Variants in NOD1 observed in about 807,000 individuals in gnomAD.
NOD1 encodes nucleotide binding oligomerization domain containing 1.
NOD1 carries 70 observed loss-of-function variants against 81.2 expected under a neutral mutation model. The ratio of observed to expected loss-of-function variants is 0.86; its 90% CI spans 0.71 to 1.05. The LOEUF is 1.05. Among genes scored for constraint, NOD1 ranks in the 50% least tolerant of loss-of-function variants. The probability of loss-of-function intolerance (pLI) is 0.00; values close to 1 mark genes in which losing one functional copy is unlikely to be tolerated. For synonymous variants in NOD1, 508 were observed against 526.9 expected (o/e 0.96, Z 0.49); for missense variants, 1,233 against 1,228.0 (o/e 1.00, Z -0.06).
chr7:30,448,164 C>A, intron 7 of NOD1, 134 bp downstream of exon 7: 1 of 723,392 alleles, frequency 1.4e-6, no homozygotes, highest in East Asian at 2.6e-5. Context: ...CCAGGACTCT[C>A]AACTCCTGGG....
chr7:30,467,681 T>TTTG lies in NOD1; in HGVS notation c.-351-7643_-351-7641dup, dbSNP rs535718705. 3.3e-5 allele frequency among the ~76,000 whole-genome samples: 5 copies of TTTG among 152,152 alleles called. No homozygotes were observed. Among genetic ancestry groups the TTTG allele is most frequent in the Admixed American group, 2.0e-4 (3 of 15,280 alleles). On this transcript the variant is annotated intron_variant, in intron 1 of 13. Coordinates refer to ENST00000222823, the MANE Select transcript of NOD1 (RefSeq NM_006092.4). This position sits in a 1 kb window ranked among gnomAD's most constrained non-coding sequence, Gnocchi z 4.5. ...GGGATTGTGGGTGGGAACAGTTTTT[T>TTTG]TTGTTGTTGTTGTTATTTTTGTTTG...
intron 1 of NOD1, among the ~76,000 whole-genome samples, chr7:30,474,602 C>T (rs1436949412): frequency 1.3e-5 from 2 of 152,248 alleles, no homozygotes; most frequent in East Asian, 1.9e-4. Context: ...GGGTTCCCCT[C>T]GCATGAGAAT....
chr7:30,430,332 G>T (rs1466026229), intron 12 of NOD1, among the ~76,000 whole-genome samples: 2 of 152,196 alleles, frequency 1.3e-5, no homozygotes, highest in Non-Finnish European at 2.9e-5. Context: ...TAGGAAGCCA[G>T]GCCTCTCCTG....
At chr7:30,466,063 C>T (rs772667268) in intron 1 of NOD1, among the ~76,000 whole-genome samples, 1 of 152,198 alleles carries the variant, frequency 6.6e-6, no homozygotes, top group Non-Finnish European at 1.5e-5. Flanking sequence ...GCAACCTTGG[C>T]GGCCACAGGA....
chr7:30,430,867 G>A (rs1783892819), intron 12 of NOD1, among the ~76,000 whole-genome samples: 1 of 152,234 alleles, frequency 6.6e-6, no homozygotes, highest in South Asian at 2.1e-4. Flanking sequence ...CCCCACAAGG[G>A]CTAGGGCCCC....
intron 11 of NOD1, among the ~76,000 whole-genome samples, chr7:30,434,939 G>GTT (rs750419135): frequency 3.5e-4 from 50 of 144,812 alleles, no homozygotes; most frequent in Middle Eastern, 3.6e-3. Flanking sequence ...TGTAAGGAAT[G>GTT]TTTTTTTTTT....
chr7:30,434,911 C>A (rs1784252264), intron 11 of NOD1, among the ~76,000 whole-genome samples: 2 of 151,832 alleles, frequency 1.3e-5, no homozygotes, highest in South Asian at 4.2e-4. Context: ...GGTTGTAATA[C>A]AACTCCCTCA....
At chr7:30,446,273 A>G in intron 8 of NOD1, 49 bp from the exon 9 acceptor site, 2 of 1,376,206 alleles carry the variant, frequency 1.5e-6, no homozygotes, top group Admixed American at 1.7e-5. Flanking sequence ...CAGGGGCTCC[A>G]ATGTGGGTCA....
In NOD1 at chr7:30,452,297, G is replaced by A. The variant is rs1785823591; in HGVS notation, c.1120C>T (p.Leu374=). ...MFPERALQDR[L]LSQLEANPNL... ...GGGTTGGCCTCCAGCTGGCTCAGCAGGCGGTCCTGCAGGGCCCGCTCGGGG... is the reference window on the plus strand; with the variant it reads ...GGGTTGGCCTCCAGCTGGCTCAGCAAGCGGTCCTGCAGGGCCCGCTCGGGG... Residue 374 remains leucine (L), a synonymous_variant, in exon 6 of 14, where the codon CTG becomes TTG. Transcript: ENST00000222823. 3 of 1,613,436 alleles carry A rather than the reference G, an allele frequency of 1.9e-6. No individual in the cohort carries two copies. Among genetic ancestry groups the A allele is most frequent in the Middle Eastern group, 1.7e-4 (1 of 6,060 alleles).
Position 30,451,776 on chromosome 7 carries a change from C to A in NOD1, c.1641G>T (p.Trp547Cys), listed in dbSNP as rs1785746384. The A allele has an allele frequency of 3.7e-6, 6 of 1,613,782 alleles. No homozygotes were observed. Among genetic ancestry groups the A allele is most frequent in the Non-Finnish European group, 5.1e-6 (6 of 1,180,006 alleles). Residue 547 changes from tryptophan to cysteine, a missense_variant, in exon 6 of 14, where the codon TGG becomes TGT. Coordinates refer to ENST00000222823, the MANE Select transcript of NOD1 (RefSeq NM_006092.4). The surrounding 1 kb of genome is among the most constrained non-coding windows in gnomAD (Gnocchi z 4.2). ...TQELLRFFQE[W>C]MPPAGAATTS... ...TGGTCGCTGCCCCCGCAGGGGGCAT[C>A]CACTCCTGGAAGAACCTGAGCAGCT...
chr7:30,464,167 C>T (rs1787442797), intron 1 of NOD1: 1 of 152,240 alleles, frequency 6.6e-6, no homozygotes, highest in African/African-American at 2.4e-5. Context: ...AGAAATTCCA[C>T]GTGCCAAAGG....
rs1389708906 is a variant in NOD1 at position 30,469,111 on chromosome 7, CT to C, written c.-351-9071del. 5.1e-6 allele frequency: 5 copies of C among 985,292 alleles called. No individual in the cohort carries two copies. In the East Asian group the frequency reaches 5.7e-4, roughly 112 times the overall value. 61.0% of individuals were successfully genotyped at this position (985,292 alleles called of 1,614,324 possible). Reference sequence around the variant, plus strand: ...TGCATGATCCACAACAATCTGTGTTCTGTTGTTGTCTGTTTGTTTTTCTTGC... The same window carrying C: ...TGCATGATCCACAACAATCTGTGTTCGTTGTTGTCTGTTTGTTTTTCTTGC... On this transcript the variant is annotated intron_variant, in intron 1 of 13. Transcript: ENST00000222823.
At chr7:30,453,414 C>T (rs1786007143) in intron 5 of NOD1, among the ~76,000 whole-genome samples, 1 of 152,152 alleles carries the variant, frequency 6.6e-6, no homozygotes, top group African/African-American at 2.4e-5. Flanking sequence ...CCACGCTGGC[C>T]CTCCTCCACC....
intron 12 of NOD1, 22 bp from the exon 13 acceptor site, chr7:30,429,479 T>G (rs759715618): frequency 4.4e-6 from 7 of 1,605,990 alleles, no homozygotes; most frequent in Non-Finnish European, 6.0e-6. Flanking sequence ...ACATAACTTG[T>G]ATAAAATCCA....
intron 9 of NOD1, among the ~76,000 whole-genome samples, chr7:30,445,707 C>T (rs993583071): frequency 7.2e-6 from 1 of 139,216 alleles, no homozygotes; most frequent in Non-Finnish European, 1.5e-5. Context: ...TGCAGTGAGC[C>T]GAGATCATGC....
chr7:30,471,281 C>T (rs1220214987), intron 1 of NOD1, among the ~76,000 whole-genome samples: 1 of 152,202 alleles, frequency 6.6e-6, no homozygotes, highest in Non-Finnish European at 1.5e-5. Context: ...AGACACTGCA[C>T]CCCTTGGGCC....
chr7:30,455,391 G>T, intron 4 of NOD1, 80 bp from the exon 5 acceptor site: 1 of 1,190,516 alleles, frequency 8.4e-7, no homozygotes, highest in South Asian at 1.4e-5. Flanking sequence ...GCAGGCTCAG[G>T]GCAGGGCTCT....
intron 3 of NOD1, 57 bp downstream of exon 3, chr7:30,459,095 G>A (rs551411161): frequency 2.0e-5 from 3 of 152,606 alleles, no homozygotes; most frequent in South Asian, 2.1e-4. Flanking sequence ...TAGAAAATCG[G>A]TTCATTTAAA....
intron 11 of NOD1, among the ~76,000 whole-genome samples, chr7:30,433,956 T>C (rs1435040216): frequency 6.6e-6 from 1 of 152,212 alleles, no homozygotes; most frequent in African/African-American, 2.4e-5. Flanking sequence ...GCAGCATGCA[T>C]TGTGGTATTA....
Sources: gnomAD v4.1 joint callset for allele counts (sites outside exome capture counted in the v4.1 genomes callset) on GRCh38, gnomAD v4.1.1 for gene constraint, Gnocchi (gnomAD v3.1) non-coding constraint, MANE v1.5 for transcripts, NCBI Gene and HGNC (gene_info 2026-07-23, HGNC 2026-07-21) for gene names.